The following TF variants were observed in gnomAD, a reference collection of about 807,000 sequenced individuals.
TF encodes the protein transferrin.
Under a neutral mutation model 82.4 loss-of-function variants are expected in TF, and 55 were observed. That is an observed-to-expected ratio of 0.67 (90% CI 0.54 to 0.84). The LOEUF (loss-of-function observed/expected upper bound fraction) is 0.84. Among genes scored for constraint, TF ranks in the 40% least tolerant of loss-of-function variants. The pLI, the probability that TF is intolerant of heterozygous loss-of-function variation, is 0.00. For missense variants in TF, 737 were observed against 868.4 expected (o/e 0.85, Z 1.90); for synonymous variants, 332 against 332.6 (o/e 1.00, Z 0.02).
At chr3:133,689,190 G>A in the TF span, among the ~76,000 whole-genome samples, 8 of 151,978 alleles carry the variant, frequency 5.3e-5, no homozygotes, top group African/African-American at 1.4e-4. Context: ...AAAATTAGCC[G>A]GGCATGGTGG....
chr3:133,725,066 A>G, the TF span, among the ~76,000 whole-genome samples: 11 of 152,010 alleles, frequency 7.2e-5, no homozygotes, highest in African/African-American at 2.4e-4. Flanking sequence ...TAGCCTTGTA[A>G]TATAGTTTGA....
the TF span, among the ~76,000 whole-genome samples, chr3:133,711,920 T>G: frequency 1.3e-5 from 2 of 152,180 alleles, no homozygotes; most frequent in South Asian, 4.2e-4. Context: ...GTGCCGTGCC[T>G]CCACCCCACC....
chr3:133,690,505 C>T, the TF span, among the ~76,000 whole-genome samples: 1 of 152,148 alleles, frequency 6.6e-6, no homozygotes, highest in Admixed American at 6.5e-5. Flanking sequence ...CATTATAAAT[C>T]ATACATTTCT....
chr3:133,716,596 A>C, the TF span, among the ~76,000 whole-genome samples: 1 of 152,100 alleles, frequency 6.6e-6, no homozygotes. Flanking sequence ...GTCTCTCCCC[A>C]GATTTTTATC....
At chr3:133,674,856 A>G in the TF span, among the ~76,000 whole-genome samples, 1 of 152,122 alleles carries the variant, frequency 6.6e-6, no homozygotes, top group African/African-American at 2.4e-5. Context: ...TTGACTAGGG[A>G]GAGGATTGCA....
At chr3:133,754,017 A>G (rs1404506471) in intron 3 of TF, 1 of 490,282 alleles carries the variant, frequency 2.0e-6, no homozygotes, top group Non-Finnish European at 3.7e-6. Context: ...GGGTCCCTGG[A>G]GGCCTCTGGA....
rs1934857515 is a variant in TF, at chr3:133,792,245, C to T, written c.*13625C>T. On this transcript the variant is annotated 3_prime_UTR_variant, in exon 17 of 17. Transcript: ENST00000402696. ...AAGAAAGGATCTTATATCGTAAATT[C>T]GTGTCCTAAAGTAAAATAAGCGGTT... 1 of 152,068 alleles carries T rather than the reference C, an allele frequency of 6.6e-6. No individual in the cohort carries two copies. Among genetic ancestry groups the T allele is most frequent in the Non-Finnish European group, 1.5e-5 (1 of 68,016 alleles). The allele number at this position is 152,068 out of a possible 1,614,324, so 9.4% of individuals were successfully genotyped here.
chr3:133,738,264 C>A, the TF span, among the ~76,000 whole-genome samples: 1 of 152,134 alleles, frequency 6.6e-6, no homozygotes, highest in Non-Finnish European at 1.5e-5. Context: ...ATTCAACACC[C>A]TTTCATGCTA....
intron 13 of TF, among the ~76,000 whole-genome samples, chr3:133,768,963 T>TGTCCCAGCTAATTTC (rs1559876426): frequency 6.6e-6 from 1 of 151,594 alleles, no homozygotes; most frequent in Non-Finnish European, 1.5e-5. Flanking sequence ...CAGCTAATTT[T>TGTCCCAGCTAATTTC]TGTATTTTTT....
intron 1 of TF, among the ~76,000 whole-genome samples, chr3:133,747,887 A>C (rs1933546777): frequency 6.6e-6 from 1 of 151,972 alleles, no homozygotes; most frequent in Non-Finnish European, 1.5e-5. Context: ...GGAGACCCAG[A>C]TTCTAGGCCT....
the TF span, among the ~76,000 whole-genome samples, chr3:133,709,299 AAC>A: frequency 6.6e-6 from 1 of 152,198 alleles, no homozygotes; most frequent in Non-Finnish European, 1.5e-5. Flanking sequence ...GCTGCAAGGA[AAC>A]ATTGGAAGTG....
At chr3:133,724,501 T>A in the TF span, among the ~76,000 whole-genome samples, 2 of 152,218 alleles carry the variant, frequency 1.3e-5, no homozygotes, top group Admixed American at 1.3e-4. Context: ...TTGATGGGGT[T>A]GTTTGGTTTT....
At chr3:133,731,838 G>A in the TF span, among the ~76,000 whole-genome samples, 2 of 152,188 alleles carry the variant, frequency 1.3e-5, no homozygotes, top group African/African-American at 4.8e-5. Context: ...AAACCCAAGA[G>A]TCTTTGACTC....
chr3:133,728,299 T>C, the TF span, among the ~76,000 whole-genome samples: 1 of 152,250 alleles, frequency 6.6e-6, no homozygotes, highest in Non-Finnish European at 1.5e-5. Context: ...ACCAATCAGA[T>C]GCAGATTTGG....
the TF span, among the ~76,000 whole-genome samples, chr3:133,720,735 T>C: frequency 6.6e-6 from 1 of 152,132 alleles, no homozygotes; most frequent in South Asian, 2.1e-4. Flanking sequence ...TGGGCTTTTC[T>C]TTGATGGAAG....
the TF span, among the ~76,000 whole-genome samples, chr3:133,716,076 A>T: frequency 6.6e-6 from 1 of 151,678 alleles, no homozygotes; most frequent in Non-Finnish European, 1.5e-5. Flanking sequence ...CCCTCCTGAC[A>T]CTGCACCTCA....
In TF at chr3:133,755,421, C is replaced by A; in HGVS notation, c.561C>A (p.Pro187=). 6.2e-7 allele frequency: 1 copy of A among 1,614,228 alleles called. No homozygotes were observed. The highest frequency in any genetic ancestry group is 1.3e-5 in the African/African-American group (1 of 75,048). The change falls in exon 5 of 17, where the codon CCC becomes CCA. Residue 187 remains proline (P), a synonymous_variant. Transcript: ENST00000402696. ...CAPCADGTDF[P]QLCQLCPGCG... ...CTTGTGCGGATGGGACGGACTTCCC[C>A]CAGCTGTGTCAACTGTGTCCAGGGT... is the stretch of plus-strand genomic sequence containing the variant.
intron 1 of TF, among the ~76,000 whole-genome samples, chr3:133,747,838 T>A (rs150230250): frequency 1.3e-5 from 2 of 152,238 alleles, no homozygotes; most frequent in Admixed American, 1.3e-4. Flanking sequence ...ACTCAGAATG[T>A]TTTCTTCTTT....
the TF span, among the ~76,000 whole-genome samples, chr3:133,729,100 C>A: frequency 6.6e-6 from 1 of 152,284 alleles, no homozygotes; most frequent in Non-Finnish European, 1.5e-5. Context: ...GCTTGGGGGT[C>A]AGGGGTCAGA....
Sources: allele counts gnomAD v4.1 joint callset (sites outside exome capture counted in the v4.1 genomes callset), GRCh38; gene constraint gnomAD v4.1.1; transcripts MANE v1.5; gene names NCBI Gene and HGNC (gene_info 2026-07-23, HGNC 2026-07-21).